KIAA1549L: variants seen among roughly 807,000 people sequenced by gnomAD.
KIAA1549L encodes the protein KIAA1549 like, also known as UPF0606 protein KIAA1549L.
Under a neutral mutation model 160.7 loss-of-function variants are expected in KIAA1549L, and 88 were observed. The ratio of observed to expected loss-of-function variants is 0.55; its 90% CI spans 0.46 to 0.65. The LOEUF is 0.65. KIAA1549L is among the 30% of genes least tolerant of loss of function. The pLI is 0.00. For missense variants in KIAA1549L, 2,258 were observed against 2,437.5 expected, an observed-to-expected ratio of 0.93 and a Z score of 1.55; for synonymous variants, 950 against 976.7, an observed-to-expected ratio of 0.97 and a Z score of 0.51.
chr11:33,642,318 G>A (rs1246202056), intron 16 of KIAA1549L, among the ~76,000 whole-genome samples: 1 of 152,136 alleles, frequency 6.6e-6, no homozygotes, highest in African/African-American at 2.4e-5. Context: ...CACCTCAAGG[G>A]TGTTATAAAT....
At chr11:33,578,895 A>G (rs1391678719) in intron 10 of KIAA1549L, among the ~76,000 whole-genome samples, 1 of 152,114 alleles carries the variant, frequency 6.6e-6, no homozygotes, top group Non-Finnish European at 1.5e-5. Flanking sequence ...GAGCTCTTTA[A>G]AAGCAAGTGC....
rs199908701 is a variant in KIAA1549L, at chr11:33,559,942, G to A, written c.4018+31G>A. 1.0e-3 allele frequency: 1,624 copies of A among 1,602,190 alleles called. 2 individuals are homozygous for A. The highest frequency in any genetic ancestry group is 1.2e-3 in the South Asian group (111 of 90,748). The stretch of plus-strand genomic sequence containing the variant: ...TATGGCCATGCCTATGGGGACCCCA[G>A]TGTTTCCCCTGTGGCCTTTCTCCAT... On this transcript the variant is annotated intron_variant, in intron 7 of 20. Transcript: ENST00000658780.
chr11:33,527,859 C>A (rs901606922), intron 1 of KIAA1549L, among the ~76,000 whole-genome samples: 1 of 152,200 alleles, frequency 6.6e-6, no homozygotes, highest in Non-Finnish European at 1.5e-5. Flanking sequence ...GGCTGTGTCT[C>A]CACCCAAGTC....
At chr11:33,655,063 G>A (rs10768015) in intron 17 of KIAA1549L, among the ~76,000 whole-genome samples, 59,929 of 152,020 alleles carry the variant, frequency 0.39, 12,091 homozygotes, top group East Asian at 0.5. Flanking sequence ...AACCGCAAGT[G>A]AAGCTTTGTC....
chr11:33,544,630 C>CT, intron 2 of KIAA1549L, 137 bp from the exon 3 acceptor site: 3 of 1,166,144 alleles, frequency 2.6e-6, no homozygotes, highest in Non-Finnish European at 3.6e-6. Flanking sequence ...GTTGTTTTGC[C>CT]TAAGTTCTGT....
At chr11:33,449,736 G>C (rs1386579052) in intron 1 of KIAA1549L, among the ~76,000 whole-genome samples, 1 of 152,160 alleles carries the variant, frequency 6.6e-6, no homozygotes, top group Non-Finnish European at 1.5e-5. Context: ...TGCTTTGTGG[G>C]ACGCTGCCTG....
At chr11:33,641,736 C>T (rs1471751789) in intron 16 of KIAA1549L, among the ~76,000 whole-genome samples, 1 of 150,728 alleles carries the variant, frequency 6.6e-6, no homozygotes, top group African/African-American at 2.4e-5. Flanking sequence ...GCCTTAATTT[C>T]CTCTTCTGTA....
At chr11:33,471,902 A>T (rs1464899119) in intron 1 of KIAA1549L, among the ~76,000 whole-genome samples, 1 of 152,208 alleles carries the variant, frequency 6.6e-6, no homozygotes, top group African/African-American at 2.4e-5. Flanking sequence ...GAACAGTCTC[A>T]TGGAAGTAAG....
rs753665302 is a variant in KIAA1549L at position 33,645,978 on chromosome 11, G to T, written c.5702G>T (p.Gly1901Val). Residue 1901 changes from glycine (G) to valine (V), a missense_variant, in exon 17 of 21, where the codon GGG becomes GTG. Physicochemically the swap from Gly to Val is moderately radical, Grantham distance 109. Transcript: ENST00000658780. ...GGGACCATGACGCGGCCCAGGGCCG[G>T]GGTGCAGTGGGTGCCGACCTACCGC... is the stretch of plus-strand genomic sequence containing the variant. ...APGTMTRPRA[G>V]VQWVPTYRPE... 6.2e-7 allele frequency: 1 copy of T among 1,609,880 alleles called. No homozygotes were observed. The highest frequency in any genetic ancestry group is 8.5e-7 in the Non-Finnish European group (1 of 1,178,170).
At chr11:33,501,103 A>G (rs1467284014) in intron 1 of KIAA1549L, among the ~76,000 whole-genome samples, 1 of 152,206 alleles carries the variant, frequency 6.6e-6, no homozygotes, top group Non-Finnish European at 1.5e-5. Context: ...ATGTCAGGAT[A>G]AGGAGTGTTA....
chr11:33,541,136 A>T (rs963453280), intron 1 of KIAA1549L, among the ~76,000 whole-genome samples: 3 of 152,158 alleles, frequency 2.0e-5, no homozygotes, highest in African/African-American at 4.8e-5. Flanking sequence ...GGGGCCACAC[A>T]TGAGTGTTGA....
intron 16 of KIAA1549L, among the ~76,000 whole-genome samples, chr11:33,624,903 C>G (rs1298187716): frequency 1.8e-5 from 2 of 111,194 alleles, no homozygotes; most frequent in African/African-American, 6.6e-5. Context: ...TGCTATCCCT[C>G]CCCCCTCCCC....
At chr11:33,435,771 T>TACAC (rs1227216264) in intron 1 of KIAA1549L, among the ~76,000 whole-genome samples, 14,978 of 29,882 alleles carry the variant, frequency 0.5, 2,828 homozygotes, top group East Asian at 0.63. Flanking sequence ...TATATATATA[T>TACAC]ATATATATAT....
chr11:33,438,205 G>A (rs1191694086), intron 1 of KIAA1549L, among the ~76,000 whole-genome samples: 1 of 152,202 alleles, frequency 6.6e-6, no homozygotes, highest in Non-Finnish European at 1.5e-5. Flanking sequence ...TCTTGGGGGA[G>A]AATTGGTTAA....
At chr11:33,666,749 C>T (rs1050017894) in intron 20 of KIAA1549L, among the ~76,000 whole-genome samples, 5 of 152,170 alleles carry the variant, frequency 3.3e-5, no homozygotes, top group Admixed American at 2.0e-4. Flanking sequence ...AAAATCATAT[C>T]CCAGATCCAA....
chr11:33,578,215 T>C (rs1273810731), intron 10 of KIAA1549L, among the ~76,000 whole-genome samples: 4 of 152,234 alleles, frequency 2.6e-5, no homozygotes, highest in Non-Finnish European at 5.9e-5. Context: ...AGAGAGATCC[T>C]ATCAGGTTAG....
intron 11 of KIAA1549L, 93 bp from the exon 12 acceptor site, chr11:33,591,144 G>A: frequency 1.2e-6 from 1 of 835,788 alleles, no homozygotes. Context: ...GCTAAGTTTG[G>A]TCCCATCTTT....
intron 1 of KIAA1549L, among the ~76,000 whole-genome samples, chr11:33,465,621 T>C (rs912694131): frequency 1.3e-5 from 2 of 152,188 alleles, no homozygotes; most frequent in Admixed American, 1.3e-4. Context: ...GTTTATGCTT[T>C]TGTACAAGTG....
chr11:33,467,480 G>A (rs933945071), intron 1 of KIAA1549L, among the ~76,000 whole-genome samples: 3 of 152,192 alleles, frequency 2.0e-5, no homozygotes, highest in African/African-American at 7.2e-5. Flanking sequence ...GGGGTGATTT[G>A]CTTGGTTGGT....
Sources: allele counts gnomAD v4.1 joint callset (sites outside exome capture counted in the v4.1 genomes callset), GRCh38; gene constraint gnomAD v4.1.1; transcripts MANE v1.5; gene names NCBI Gene and HGNC (gene_info 2026-07-23, HGNC 2026-07-21).